Variants in MBD5 observed in about 807,000 individuals in gnomAD.
The protein encoded by MBD5 is methyl-CpG-binding domain protein 5.
MBD5 carries 13 observed loss-of-function variants against 117.3 expected under a neutral mutation model. The observed-to-expected ratio is 0.11, with a 90% CI of 0.07 to 0.18. The LOEUF is 0.18. MBD5 is among the 10% of genes least tolerant of loss of function. MBD5 has a pLI of 1.00. For missense variants in MBD5, 1,879 were observed against 2,093.8 expected, an observed-to-expected ratio of 0.90 and a Z score of 2.00; for synonymous variants, 727 against 766.4, an observed-to-expected ratio of 0.95 and a Z score of 0.85.
intron 4 of MBD5, among the ~76,000 whole-genome samples, chr2:148,436,577 G>T (rs549824880): frequency 1.3e-5 from 2 of 151,974 alleles, no homozygotes; most frequent in Non-Finnish European, 2.9e-5. Context: ...TCTCCATGTT[G>T]GTTAGGCTGG....
At chr2:148,331,724 C>T (rs1420415050) in intron 3 of MBD5, among the ~76,000 whole-genome samples, 1 of 151,626 alleles carries the variant, frequency 6.6e-6, no homozygotes, top group Non-Finnish European at 1.5e-5. Flanking sequence ...AATAGAGTAC[C>T]CAATAATATG....
intron 3 of MBD5, among the ~76,000 whole-genome samples, chr2:148,338,354 A>T (rs1277918252): frequency 6.6e-6 from 1 of 152,170 alleles, no homozygotes; most frequent in Non-Finnish European, 1.5e-5. Flanking sequence ...CTAAAAAAAA[A>T]AATTCCCAGC....
At chr2:148,131,163 A>AAAAAAGTTTGAAAG (rs1697036967) in intron 1 of MBD5, among the ~76,000 whole-genome samples, 1 of 152,214 alleles carries the variant, frequency 6.6e-6, no homozygotes, top group Non-Finnish European at 1.5e-5. Context: ...ATGAGGGCTT[A>AAAAAAGTTTGAAAG]CTAGTTTGAA....
At chr2:148,425,688 A>G (rs1328932165) in intron 4 of MBD5, among the ~76,000 whole-genome samples, 1 of 152,200 alleles carries the variant, frequency 6.6e-6, no homozygotes, top group Non-Finnish European at 1.5e-5. Flanking sequence ...CTTATCCACC[A>G]CGATCAGGTC....
chr2:148,315,598 A>AT (rs1337220472), intron 3 of MBD5, among the ~76,000 whole-genome samples: 1 of 152,118 alleles, frequency 6.6e-6, no homozygotes, highest in Non-Finnish European at 1.5e-5. Context: ...GACTTTGCTT[A>AT]TTTTTAAGAC....
At chr2:148,059,064 G>A (rs568430002) in intron 1 of MBD5, among the ~76,000 whole-genome samples, 26 of 152,200 alleles carry the variant, frequency 1.7e-4, no homozygotes, top group African/African-American at 6.3e-4. Flanking sequence ...TTGTGATGTT[G>A]CTGATATTTT....
At chr2:148,152,283 G>T (rs1046980135) in intron 1 of MBD5, among the ~76,000 whole-genome samples, 1 of 152,014 alleles carries the variant, frequency 6.6e-6, no homozygotes, top group Non-Finnish European at 1.5e-5. Context: ...GTTCTAGTTT[G>T]ATTGCACTGT....
intron 1 of MBD5, among the ~76,000 whole-genome samples, chr2:148,152,726 T>G (rs1002647027): frequency 6.6e-6 from 1 of 150,688 alleles, no homozygotes; most frequent in African/African-American, 2.4e-5. Context: ...TCTTTGTTGG[T>G]TTAAAGTCTG....
At chr2:148,069,924 TATC>T (rs1695306628) in intron 1 of MBD5, among the ~76,000 whole-genome samples, 1 of 152,194 alleles carries the variant, frequency 6.6e-6, no homozygotes, top group Non-Finnish European at 1.5e-5. Flanking sequence ...CTTGAGTAGT[TATC>T]ATGTCAATGT....
intron 3 of MBD5, among the ~76,000 whole-genome samples, chr2:148,242,571 A>G (rs776129457): frequency 1.4e-4 from 21 of 152,142 alleles, no homozygotes; most frequent in Admixed American, 5.9e-4. Context: ...TTTCTTTTCT[A>G]TCAAAGAAGA....
At chr2:148,196,701 C>T (rs1034776150) in intron 2 of MBD5, among the ~76,000 whole-genome samples, 2 of 152,012 alleles carry the variant, frequency 1.3e-5, no homozygotes, top group Non-Finnish European at 2.9e-5. Context: ...ATGGGAAATC[C>T]GTGAGCCAGA....
chr2:148,129,299 C>T (rs946538156), intron 1 of MBD5, among the ~76,000 whole-genome samples: 4 of 151,888 alleles, frequency 2.6e-5, no homozygotes, highest in African/African-American at 9.7e-5. Flanking sequence ...TTTGAGACTA[C>T]CGTGGCCAAC....
At chr2:148,067,232 A>G (rs916136118) in intron 1 of MBD5, among the ~76,000 whole-genome samples, 1 of 152,224 alleles carries the variant, frequency 6.6e-6, no homozygotes, top group Non-Finnish European at 1.5e-5. Context: ...ACCACACGCT[A>G]TATTAGACAT....
chr2:148,321,078 TCAAA>T (rs1220461440), intron 3 of MBD5, among the ~76,000 whole-genome samples: 1 of 152,214 alleles, frequency 6.6e-6, no homozygotes, highest in Non-Finnish European at 1.5e-5. Context: ...AATTCTGTGG[TCAAA>T]TTAATTTGGT....
intron 3 of MBD5, among the ~76,000 whole-genome samples, chr2:148,291,825 GT>G (rs1313770271): frequency 6.6e-6 from 1 of 152,126 alleles, no homozygotes; most frequent in East Asian, 1.9e-4. Flanking sequence ...ATACTACAGA[GT>G]TGTACTAACT....
At chr2:148,174,669 A>G (rs747470165) in intron 1 of MBD5, among the ~76,000 whole-genome samples, 3 of 152,090 alleles carry the variant, frequency 2.0e-5, no homozygotes, top group Non-Finnish European at 4.4e-5. Context: ...AAAAAAAGGC[A>G]TCCAAAAGTC....
chr2:148,497,864 G>A (rs1681750075), intron 11 of MBD5, among the ~76,000 whole-genome samples: 1 of 151,678 alleles, frequency 6.6e-6, no homozygotes, highest in Non-Finnish European at 1.5e-5. Flanking sequence ...CATACCACCA[G>A]TGGCCCTTTG....
chr2:148,051,098 A>G (rs1014333945), intron 1 of MBD5, among the ~76,000 whole-genome samples: 1 of 152,108 alleles, frequency 6.6e-6, no homozygotes, highest in African/African-American at 2.4e-5. Flanking sequence ...TAATTTTTTA[A>G]ACAGTGTTTT....
chr2:148,426,269 A>G (rs1349947669), intron 4 of MBD5, among the ~76,000 whole-genome samples: 3 of 152,200 alleles, frequency 2.0e-5, no homozygotes, highest in Non-Finnish European at 4.4e-5. Flanking sequence ...TTAAGCTACC[A>G]ATGACTTTCT....
Sources: gnomAD v4.1 joint callset for allele counts (sites outside exome capture counted in the v4.1 genomes callset) on GRCh38, gnomAD v4.1.1 for gene constraint, MANE v1.5 for transcripts, NCBI Gene and HGNC (gene_info 2026-07-23, HGNC 2026-07-21) for gene names.